Variants in RBFOX1 observed in about 807,000 individuals in gnomAD.
RBFOX1 encodes the protein RNA binding fox-1 homolog 1.
A neutral mutation model predicts 57.7 loss-of-function variants in RBFOX1; 8 were observed. The ratio of observed to expected loss-of-function variants is 0.14; its 90% CI spans 0.08 to 0.25. RBFOX1 has a LOEUF of 0.25. Among genes scored for constraint, RBFOX1 ranks in the 10% least tolerant of loss-of-function variants. The probability of loss-of-function intolerance (pLI) is 1.00; values close to 1 mark genes in which losing one functional copy is unlikely to be tolerated. For missense variants in RBFOX1, 611 were observed against 548.5 expected (o/e 1.11, Z -1.14); for synonymous variants, 326 against 222.4 (o/e 1.47, Z -4.15).
At chr16:6,375,445 C>G (rs536164755) in intron 2 of RBFOX1, among the ~76,000 whole-genome samples, 2 of 151,342 alleles carry the variant, frequency 1.3e-5, no homozygotes, top group African/African-American at 4.9e-5. Context: ...TAGGATGAAG[C>G]CAAAAGAAGA....
At chr16:6,548,036 A>C (rs1324873250) in intron 2 of RBFOX1, among the ~76,000 whole-genome samples, 2 of 152,204 alleles carry the variant, frequency 1.3e-5, no homozygotes, top group African/African-American at 4.8e-5. Context: ...TGACAAGCTC[A>C]GACTATTCAT....
intron 4 of RBFOX1, among the ~76,000 whole-genome samples, chr16:7,377,385 C>G (rs1191544507): frequency 1.3e-5 from 2 of 152,138 alleles, no homozygotes; most frequent in Non-Finnish European, 2.9e-5. Context: ...GCCTGTTTAC[C>G]TTATTCGTAT....
At chr16:6,357,907 A>T (rs1430817378) in intron 2 of RBFOX1, among the ~76,000 whole-genome samples, 2 of 151,228 alleles carry the variant, frequency 1.3e-5, no homozygotes, top group African/African-American at 4.9e-5. Flanking sequence ...GCTTGAGCTG[A>T]GATCGTGCCA....
intron 2 of RBFOX1, among the ~76,000 whole-genome samples, chr16:6,448,133 CT>C (rs1294010408): frequency 3.2e-5 from 3 of 93,454 alleles, no homozygotes; most frequent in African/African-American, 8.4e-5. Context: ...AGACATTTTT[CT>C]TTTTTTTCTT....
chr16:7,344,438 A>T (rs1167657168), intron 4 of RBFOX1, among the ~76,000 whole-genome samples: 1 of 150,132 alleles, frequency 6.7e-6, no homozygotes. Context: ...TATGTATTTT[A>T]TGTAACACAT....
chr16:5,976,755 G>C (rs2060071387), intron 4 of RBFOX1, among the ~76,000 whole-genome samples: 1 of 151,494 alleles, frequency 6.6e-6, no homozygotes, highest in South Asian at 2.1e-4. Context: ...TGTAATCCCA[G>C]CTACTTGGGG....
At chr16:5,619,259 G>A (rs573225574) in intron 3 of RBFOX1, among the ~76,000 whole-genome samples, 78 of 152,190 alleles carry the variant, frequency 5.1e-4, no homozygotes, top group African/African-American at 1.8e-3. Context: ...CAGGCCTCCC[G>A]GGCTCCAGCC....
chr16:5,415,250 G>A (rs1413095802), intron 1 of RBFOX1, among the ~76,000 whole-genome samples: 1 of 152,148 alleles, frequency 6.6e-6, no homozygotes, highest in African/African-American at 2.4e-5. Flanking sequence ...GTGAGGGGGA[G>A]GAAGGCACCT....
intron 1 of RBFOX1, among the ~76,000 whole-genome samples, chr16:6,243,091 A>C (rs1403458529): frequency 6.6e-6 from 1 of 151,924 alleles, no homozygotes; most frequent in Non-Finnish European, 1.5e-5. Flanking sequence ...TAAGAGTCTT[A>C]TGATATTCTT....
intron 3 of RBFOX1, among the ~76,000 whole-genome samples, chr16:6,719,224 C>T (rs186415542): frequency 5.3e-5 from 8 of 152,068 alleles, no homozygotes; most frequent in Non-Finnish European, 1.0e-4. Context: ...CACTACTTTC[C>T]TTCATAGTAT....
chr16:5,319,696 A>G (rs2064347620), intron 1 of RBFOX1, among the ~76,000 whole-genome samples: 1 of 152,188 alleles, frequency 6.6e-6, no homozygotes, highest in African/African-American at 2.4e-5. Context: ...GGAAAGTCAC[A>G]CTAGAGGCTG....
At chr16:6,761,657 C>A (rs1210448196) in intron 3 of RBFOX1, among the ~76,000 whole-genome samples, 1 of 151,754 alleles carries the variant, frequency 6.6e-6, no homozygotes, top group African/African-American at 2.4e-5. Flanking sequence ...CAGGTGCTCG[C>A]CACCATGCCT....
At chr16:5,819,942 C>T (rs151197201) in intron 3 of RBFOX1, among the ~76,000 whole-genome samples, 21 of 152,288 alleles carry the variant, frequency 1.4e-4, no homozygotes, top group South Asian at 2.1e-4. Flanking sequence ...TGGCCTTTAT[C>T]GTCGCATCCC....
intron 1 of RBFOX1, among the ~76,000 whole-genome samples, chr16:5,291,559 G>C (rs2063536469): frequency 6.6e-6 from 1 of 152,142 alleles, no homozygotes; most frequent in Non-Finnish European, 1.5e-5. Flanking sequence ...TCACGCGCCT[G>C]GCCGAGCTTT....
upstream of RBFOX1, among the ~76,000 whole-genome samples, chr16:6,015,685 C>G (rs72771002): frequency 0.026 from 3,884 of 152,284 alleles, 58 homozygotes; most frequent in Non-Finnish European, 0.041. Context: ...TATTCTCCTT[C>G]GGGAATATCC....
chr16:6,029,791 A>AAAAG (rs1555478561), intron 1 of RBFOX1, among the ~76,000 whole-genome samples: 1 of 148,938 alleles, frequency 6.7e-6, no homozygotes, highest in East Asian at 2.0e-4. Context: ...AAAAAAAAAA[A>AAAAG]GGGGAAAGAA....
chr16:6,379,075 G>C (rs748921956), intron 2 of RBFOX1, among the ~76,000 whole-genome samples: 11 of 152,072 alleles, frequency 7.2e-5, no homozygotes, highest in Non-Finnish European at 1.5e-4. Flanking sequence ...AGGAGGAGGA[G>C]GATGCCCAGC....
intron 1 of RBFOX1, among the ~76,000 whole-genome samples, chr16:5,325,434 A>G (rs959273628): frequency 1.3e-5 from 2 of 152,148 alleles, no homozygotes; most frequent in Non-Finnish European, 2.9e-5. Flanking sequence ...TTTGTTTTTA[A>G]TTTTATTTTT....
intron 3 of RBFOX1, among the ~76,000 whole-genome samples, chr16:6,701,043 G>C (rs967748457): frequency 1.3e-5 from 2 of 151,034 alleles, no homozygotes; most frequent in African/African-American, 4.9e-5. Flanking sequence ...AGAGGGGGGG[G>C]TGAGTCAGAC....
Sources: gnomAD v4.1 joint callset for allele counts (sites outside exome capture counted in the v4.1 genomes callset) on GRCh38, gnomAD v4.1.1 for gene constraint, MANE v1.5 for transcripts, NCBI Gene and HGNC (gene_info 2026-07-23, HGNC 2026-07-21) for gene names.